Variants in AASS observed in about 807,000 individuals in gnomAD.
The protein encoded by AASS is alpha-aminoadipic semialdehyde synthase, mitochondrial.
In AASS, 86 loss-of-function variants were observed where a neutral mutation model predicts 105.4. The observed-to-expected ratio is 0.82, with a 90% CI of 0.69 to 0.98. The LOEUF is 0.98. Ranked by LOEUF, AASS falls within the 50% of genes least tolerant of loss-of-function variation. The probability of loss-of-function intolerance (pLI) is 0.00; values close to 1 mark genes in which losing one functional copy is unlikely to be tolerated. For missense variants in AASS, 1,048 were observed against 1,143.2 expected (o/e 0.92, Z 1.20); for synonymous variants, 381 against 394.8 (o/e 0.96, Z 0.41).
chr7:122,119,850 G>A lies in AASS; in HGVS notation c.473-1220C>T, dbSNP rs146590860. Among the ~76,000 whole-genome samples the A allele has an allele frequency of 2.8e-3, 419 of 152,154 alleles. 1 individual carries two copies. Among genetic ancestry groups the A allele is most frequent in the Admixed American group, 6.4e-3 (98 of 15,280 alleles). ...GTCTCTCAGTATATGCAGGGGGTTC[G>A]TTCTAAGACCCCTACACATGTTAAT... is the stretch of plus-strand genomic sequence containing the variant. On this transcript the variant is annotated intron_variant, in intron 4 of 23. Transcript: ENST00000417368.
chr7:122,073,957 A>T lies in AASS; in HGVS notation c.*2532T>A, dbSNP rs181659875. Among the ~76,000 whole-genome samples, 1 of 152,098 alleles carries T rather than the reference A, an allele frequency of 6.6e-6. No homozygotes were observed. Among genetic ancestry groups the T allele is most frequent in the African/African-American group, 2.4e-5 (1 of 41,428 alleles). On this transcript the variant is annotated 3_prime_UTR_variant, in exon 24 of 24. Transcript: ENST00000417368. ...ATAATATTCCTTGTATGGATATGCC[A>T]CGTTTTGTTTATTCACTTGTTAGTT...
intron 3 of AASS, among the ~76,000 whole-genome samples, chr7:122,127,752 C>T (rs1795721794): frequency 6.6e-6 from 1 of 152,128 alleles, no homozygotes; most frequent in African/African-American, 2.4e-5. Context: ...CTAGCTCTAA[C>T]ATCTGGAAGA....
chr7:122,133,700 C>G lies in AASS; in HGVS notation c.27G>C (p.Leu9=). MLQVHRTG[L]GRLGVSLSKG... is the part of the protein sequence containing the mutation. Reference sequence around the variant, plus strand: ...TGGAGAGGCTGACCCCCAGCCTGCCCAGTCCAGTCCTATGTACTTGCAGCA... The same window carrying G: ...TGGAGAGGCTGACCCCCAGCCTGCCGAGTCCAGTCCTATGTACTTGCAGCA... The change falls in exon 2 of 24, where the codon CTG becomes CTC. Residue 9 remains leucine, a synonymous_variant. Transcript: ENST00000417368. The G allele has an allele frequency of 6.2e-7, 1 of 1,614,150 alleles. No individual in the cohort carries two copies. Among genetic ancestry groups the G allele is most frequent in the East Asian group, 2.2e-5 (1 of 44,862 alleles).
Position 122,115,077 on chromosome 7 carries a change from T to G in AASS, c.1040A>C (p.His347Pro). ...GTTGCTGAAGTAGAGTCCTTACTTGTGTGGTAATGCAGGGCAGCCTTCCAC... is the reference window on the plus strand; with the variant it reads ...GTTGCTGAAGTAGAGTCCTTACTTGGGTGGTAATGCAGGGCAGCCTTCCAC... ...AGVEGCPALP[H>P]KLVAICDISA... Residue 347 changes from histidine to proline, a missense_variant, in exon 9 of 24, where the codon CAC (histidine) becomes CCC (proline). Physicochemically the swap from His to Pro is moderately conservative, Grantham distance 77. Coordinates refer to ENST00000417368, the MANE Select transcript of AASS (RefSeq NM_005763.4). 6.2e-7 allele frequency: 1 copy of G among 1,614,096 alleles called. No individual in the cohort carries two copies. Among genetic ancestry groups the G allele is most frequent in the Non-Finnish European group, 8.5e-7 (1 of 1,179,978 alleles).
intron 18 of AASS, among the ~76,000 whole-genome samples, chr7:122,089,410 A>G (rs1443317384): frequency 6.6e-6 from 1 of 152,142 alleles, no homozygotes; most frequent in Non-Finnish European, 1.5e-5. Context: ...AGCAAAGAAA[A>G]GTGTCATATT....
intron 19 of AASS, chr7:122,082,918 A>G (rs1413586825): frequency 8.3e-7 from 1 of 1,206,506 alleles, no homozygotes; most frequent in South Asian, 1.3e-5. Context: ...GGCTGGATAA[A>G]TAGATTCTGA....
chr7:122,141,060 C>T (rs1333193167), intron 1 of AASS, among the ~76,000 whole-genome samples: 1 of 152,056 alleles, frequency 6.6e-6, no homozygotes, highest in East Asian at 1.9e-4. Flanking sequence ...CAGATGATGG[C>T]CTAGAACTAA....
chr7:122,113,166 T>C lies in AASS; in HGVS notation c.1230A>G (p.Glu410=). The change falls in exon 11 of 24, where the codon GAA becomes GAG. Residue 410 remains glutamate, a synonymous_variant. Coordinates refer to ENST00000417368, the MANE Select transcript of AASS (RefSeq NM_005763.4). ...GCATGTCTCCAAAGCATTCTGTAGC[T>C]TCAATTGGGAGCTGTGCCGGCAAAT... The part of the protein sequence containing the change: ...IDNLPAQLPI[E]ATECFGDMLY... 6.2e-7 allele frequency: 1 copy of C among 1,614,056 alleles called. No homozygotes were observed. The highest frequency in any genetic ancestry group is 8.5e-7 in the Non-Finnish European group (1 of 1,179,962).
intron 11 of AASS, among the ~76,000 whole-genome samples, chr7:122,108,419 T>G (rs1284727207): frequency 6.6e-6 from 1 of 151,932 alleles, no homozygotes; most frequent in Non-Finnish European, 1.5e-5. Flanking sequence ...ATACAAAAAT[T>G]TTCAACAAAA....
intron 4 of AASS, among the ~76,000 whole-genome samples, chr7:122,119,558 C>A (rs542220474): frequency 5.9e-5 from 9 of 152,116 alleles, no homozygotes; most frequent in Non-Finnish European, 7.4e-5. Context: ...CATTCCCCAT[C>A]CTCACCCCCA....
intron 23 of AASS, among the ~76,000 whole-genome samples, 179 bp from the exon 24 acceptor site, chr7:122,076,786 T>C (rs1317536223): frequency 6.6e-6 from 1 of 152,178 alleles, no homozygotes; most frequent in Admixed American, 6.5e-5. Flanking sequence ...CAACACTTTG[T>C]AAGGAAAAGG....
At chr7:122,135,650 T>C (rs1295346246) in intron 1 of AASS, among the ~76,000 whole-genome samples, 1 of 152,184 alleles carries the variant, frequency 6.6e-6, no homozygotes, top group African/African-American at 2.4e-5. Flanking sequence ...AGCAGCATTC[T>C]CTTGGTACAA....
At chr7:122,110,613 C>G (rs769882871) in intron 11 of AASS, among the ~76,000 whole-genome samples, 8 of 151,946 alleles carry the variant, frequency 5.3e-5, no homozygotes, top group Non-Finnish European at 1.2e-4. Context: ...GAAATACTCT[C>G]TAACTTGTTT....
Position 122,101,383 on chromosome 7 carries a change from A to G in AASS, c.1394T>C (p.Leu465Pro). 2 of 1,608,398 alleles carry G rather than the reference A, an allele frequency of 1.2e-6. No homozygotes were observed. The highest frequency in any genetic ancestry group is 1.7e-6 in the Non-Finnish European group (2 of 1,175,380). ...LPDKYKYIQT[L>P]RESRERAQSL... Reference sequence around the variant, plus strand: ...GAACAATACTTACCTGCTCTCCCGGAGTGTCTGGATATATTTATATTTATC... The same window carrying G: ...GAACAATACTTACCTGCTCTCCCGGGGTGTCTGGATATATTTATATTTATC... Residue 465 changes from leucine to proline, a missense_variant, in exon 13 of 24, where the codon CTC becomes CCC. Physicochemically the swap from Leu to Pro is moderately conservative, Grantham distance 98. Coordinates refer to ENST00000417368, the MANE Select transcript of AASS (RefSeq NM_005763.4).
intron 1 of AASS, among the ~76,000 whole-genome samples, chr7:122,143,235 G>A (rs1796482414): frequency 6.6e-6 from 1 of 152,020 alleles, no homozygotes; most frequent in Non-Finnish European, 1.5e-5. Context: ...TCTCACAGCT[G>A]CACCTTCCCC....
chr7:122,144,104 G>A (rs1396322858), intron 1 of AASS, 57 bp downstream of exon 1: 2 of 152,192 alleles, frequency 1.3e-5, no homozygotes, highest in Non-Finnish European at 2.9e-5. Context: ...GCATCTCACA[G>A]GCTGAGCCCA....
intron 4 of AASS, among the ~76,000 whole-genome samples, chr7:122,125,415 C>T (rs1385865042): frequency 6.6e-6 from 1 of 152,130 alleles, no homozygotes. Context: ...TTTAGTAAGG[C>T]CATTTTTACT....
At chr7:122,134,606 T>C (rs1796062340) in intron 1 of AASS, among the ~76,000 whole-genome samples, 1 of 152,142 alleles carries the variant, frequency 6.6e-6, no homozygotes, top group Non-Finnish European at 1.5e-5. Context: ...TTTTTTCTAG[T>C]AATTTATTGT....
At chr7:122,108,894 C>A (rs1048283383) in intron 11 of AASS, among the ~76,000 whole-genome samples, 1 of 151,868 alleles carries the variant, frequency 6.6e-6, no homozygotes, top group Non-Finnish European at 1.5e-5. Flanking sequence ...ATGACGAAAT[C>A]TTATATATAG....
Sources: allele counts gnomAD v4.1 joint callset (sites outside exome capture counted in the v4.1 genomes callset), GRCh38; gene constraint gnomAD v4.1.1; transcripts MANE v1.5; gene names NCBI Gene and HGNC (gene_info 2026-07-23, HGNC 2026-07-21).